The following BAZ2B variants were observed in gnomAD, a reference collection of about 807,000 sequenced individuals.
BAZ2B encodes bromodomain adjacent to zinc finger domain 2B.
Under a neutral mutation model 246.0 loss-of-function variants are expected in BAZ2B, and 91 were observed. The observed-to-expected ratio is 0.37, with a 90% confidence interval of 0.31 to 0.44. The LOEUF is 0.44. Ranked by LOEUF, BAZ2B falls within the 20% of genes least tolerant of loss-of-function variation. The probability of loss-of-function intolerance (pLI) is 1.00; values close to 1 mark genes in which losing one functional copy is unlikely to be tolerated. For synonymous variants in BAZ2B, 855 were observed against 860.0 expected, an observed-to-expected ratio of 0.99 and a Z score of 0.10; for missense variants, 2,332 against 2,533.7, an observed-to-expected ratio of 0.92 and a Z score of 1.71.
At chr2:159,659,562 A>G in the BAZ2B span, among the ~76,000 whole-genome samples, 2 of 152,190 alleles carry the variant, frequency 1.3e-5, no homozygotes, top group Non-Finnish European at 2.9e-5. Flanking sequence ...GCTGGCAAAG[A>G]CACAAATTTT....
In BAZ2B at chr2:159,430,945, A is replaced by G; in HGVS notation, c.2112T>C (p.Ala704=). 6.2e-7 allele frequency: 1 copy of G among 1,614,058 alleles called. No individual in the cohort carries two copies. The highest frequency in any genetic ancestry group is 8.5e-7 in the Non-Finnish European group (1 of 1,179,918). ...GGGATTCAGAACATAAGGCAGCAGG[A>G]GCAGAGCCTGGGGCTTTTGCTATGT... ...NLHIAKAPGS[A]PAALCSESQS... is the part of the protein sequence containing the mutation. Residue 704 remains alanine, a synonymous_variant, in exon 10 of 37, where the codon GCT becomes GCC. Transcript: ENST00000392783.
chr2:159,353,200 C>T (rs2058741650), intron 27 of BAZ2B, among the ~76,000 whole-genome samples: 1 of 152,186 alleles, frequency 6.6e-6, no homozygotes, highest in South Asian at 2.1e-4. Flanking sequence ...TCATATCCTT[C>T]TCTTCAAATT....
the BAZ2B span, among the ~76,000 whole-genome samples, chr2:159,639,983 A>G: frequency 6.6e-6 from 1 of 152,116 alleles, no homozygotes. Flanking sequence ...AAAGATACAC[A>G]TAGACTGAAA....
At chr2:159,636,020 G>A in the BAZ2B span, among the ~76,000 whole-genome samples, 2 of 152,112 alleles carry the variant, frequency 1.3e-5, no homozygotes, top group African/African-American at 2.4e-5. Context: ...TCATGCCACT[G>A]CACTCCAGCA....
intron 34 of BAZ2B, 149 bp from the exon 35 acceptor site, chr2:159,326,067 TG>T: frequency 1.5e-6 from 1 of 687,998 alleles, no homozygotes; most frequent in Non-Finnish European, 2.2e-6. Flanking sequence ...AAGAAAGATC[TG>T]TGTATTTTTT....
At chr2:159,325,344 T>C (rs1001321415) in intron 35 of BAZ2B, among the ~76,000 whole-genome samples, 5 of 150,776 alleles carry the variant, frequency 3.3e-5, no homozygotes, top group African/African-American at 9.8e-5. Flanking sequence ...TTGGCCAGGC[T>C]GGTCTTGAAC....
intron 2 of BAZ2B, among the ~76,000 whole-genome samples, chr2:159,541,409 C>G (rs2086647986): frequency 6.6e-6 from 1 of 151,974 alleles, no homozygotes; most frequent in Non-Finnish European, 1.5e-5. Flanking sequence ...TCCAGAGTAG[C>G]TGGGATTTCA....
intron 27 of BAZ2B, 29 bp from the exon 28 acceptor site, chr2:159,350,386 C>T: frequency 3.4e-6 from 5 of 1,451,658 alleles, no homozygotes; most frequent in Non-Finnish European, 3.7e-6. Context: ...TTATGAACAT[C>T]AGTTACTCCA....
chr2:159,413,398 A>G (rs1042706464), intron 13 of BAZ2B, among the ~76,000 whole-genome samples: 2 of 152,210 alleles, frequency 1.3e-5, no homozygotes, highest in Admixed American at 1.3e-4. Context: ...TACTTATTTA[A>G]ATAGACAAAC....
chr2:159,580,768 C>A (rs2151630225), intron 1 of BAZ2B, among the ~76,000 whole-genome samples: 1 of 152,262 alleles, frequency 6.6e-6, no homozygotes, highest in East Asian at 1.9e-4. Context: ...TACTACACAT[C>A]TACAACCATC....
intron 3 of BAZ2B, among the ~76,000 whole-genome samples, chr2:159,477,481 T>C (rs2078736239): frequency 6.6e-6 from 1 of 152,002 alleles, no homozygotes; most frequent in Admixed American, 6.6e-5. Context: ...TTCCATTGAT[T>C]GGAAAAACAA....
At chr2:159,461,350 T>C (rs2076389063) in intron 3 of BAZ2B, 1 of 152,638 alleles carries the variant, frequency 6.6e-6, no homozygotes, top group Non-Finnish European at 1.5e-5. Flanking sequence ...CAGTTACACT[T>C]GAGTTCTTGG....
chr2:159,637,563 CTTTTTA>C, the BAZ2B span, among the ~76,000 whole-genome samples: 355 of 152,130 alleles, frequency 2.3e-3, no homozygotes, highest in Admixed American at 5.0e-3. Context: ...ATTGCTAAGG[CTTTTTA>C]TTTTTATTTT....
chr2:159,703,445 C>A, the BAZ2B span, among the ~76,000 whole-genome samples: 1 of 151,636 alleles, frequency 6.6e-6, no homozygotes, highest in Admixed American at 6.6e-5. Context: ...TTAAAAAATA[C>A]CTTAATAAAT....
upstream of BAZ2B, chr2:159,617,156 AG>A (rs1696183262): frequency 6.6e-6 from 1 of 152,100 alleles, no homozygotes; most frequent in Non-Finnish European, 1.5e-5. Flanking sequence ...AGTTTCTGAG[AG>A]ATTAGAAAAA....
chr2:159,325,732 T>G lies in BAZ2B; in HGVS notation c.6130A>C (p.Ile2044Leu). 1 of 1,598,038 alleles carries G rather than the reference T, an allele frequency of 6.3e-7. No individual in the cohort carries two copies. The highest frequency in any genetic ancestry group is 8.5e-7 in the Non-Finnish European group (1 of 1,176,400). Residue 2044 changes from isoleucine (I) to leucine (L), a missense_variant, in exon 35 of 37, where the codon ATT (isoleucine) becomes CTT (leucine). Ile to Leu is a conservative substitution (Grantham distance 5). Transcript: ENST00000392783. ...AAACTTTCTTGTTTTGACAAGTTAA[T>G]AGAAGTGTTTTCCTCCATTTTTCTT... The part of the protein sequence containing the change: ...KKRKMEENTS[I>L]NLSKQESFTS...
At chr2:159,621,335 AG>A (rs1312017367), upstream of BAZ2B, among the ~76,000 whole-genome samples, 1 of 152,184 alleles carries the variant, frequency 6.6e-6, no homozygotes, top group Non-Finnish European at 1.5e-5. Flanking sequence ...TGGGGGGTCA[AG>A]TATTTCTTTT....
At chr2:159,623,094 GA>G in the BAZ2B span, among the ~76,000 whole-genome samples, 2 of 148,996 alleles carry the variant, frequency 1.3e-5, no homozygotes, top group Middle Eastern at 3.5e-3. Context: ...AGGGGAGGGA[GA>G]GGGGAGAGGG....
chr2:159,558,569 A>G (rs2151485402), intron 1 of BAZ2B, among the ~76,000 whole-genome samples: 2 of 152,246 alleles, frequency 1.3e-5, no homozygotes, highest in Admixed American at 1.3e-4. Context: ...TCCAGCAGGT[A>G]GAAATTTAGA....
Sources: gnomAD v4.1 joint callset for allele counts (sites outside exome capture counted in the v4.1 genomes callset) on GRCh38, gnomAD v4.1.1 for gene constraint, MANE v1.5 for transcripts, NCBI Gene and HGNC (gene_info 2026-07-23, HGNC 2026-07-21) for gene names.